Variants in CCDC107 observed in about 807,000 individuals in gnomAD.
CCDC107 encodes coiled-coil domain containing 107, also known as coiled-coil domain-containing protein 107.
Under a neutral mutation model 17.9 loss-of-function variants are expected in CCDC107, and 17 were observed. That is an observed-to-expected ratio of 0.95 (90% CI 0.65 to 1.42). The LOEUF (loss-of-function observed/expected upper bound fraction) is 1.42, where lower values mean the gene tolerates loss of function less well. Ranked by LOEUF, CCDC107 falls within the 40% of genes most tolerant of loss-of-function variation. The pLI, the probability that CCDC107 is intolerant of heterozygous loss-of-function variation, is 0.00. For missense variants in CCDC107, 388 were observed against 360.1 expected (o/e 1.08, Z -0.63); for synonymous variants, 170 against 157.2 (o/e 1.08, Z -0.61).
Position 35,658,742 on chromosome 9 carries a change from G to A in CCDC107, c.258+15G>A, listed in dbSNP as rs1823718452. The A allele has an allele frequency of 6.8e-7, 1 of 1,465,238 alleles. No individual in the cohort carries two copies. Among genetic ancestry groups the A allele is most frequent in the Non-Finnish European group, 9.1e-7 (1 of 1,104,502 alleles). The allele number at this position is 1,465,238 out of a possible 1,614,324, so 90.8% of individuals were successfully genotyped here. ...AGTGTTTGCAGGTACGGGGCGGCCG[G>A]GGGTAGGGGTGCCCCTGCAGGTGCG... On this transcript the variant is annotated intron_variant, in intron 2 of 4. Coordinates refer to ENST00000426546, the MANE Select transcript of CCDC107 (RefSeq NM_174923.3).
In CCDC107 at chr9:35,660,591, CCAGA is replaced by C. The variant is rs751677353; in HGVS notation, c.359_362del (p.Thr120SerfsTer4). On this transcript the variant is annotated frameshift_variant, in exon 4 of 5. Transcript: ENST00000426546. LOFTEE classifies it high-confidence loss of function. The stretch of plus-strand genomic sequence containing the variant: ...TGGCCCAGTTGACACAACAGCTGGC[CCAGA>C]CAGAGCAGCACCTGAACAACCTGAT... 7 of 1,614,116 alleles carry C rather than the reference CCAGA, an allele frequency of 4.3e-6. No homozygotes were observed. The highest frequency in any genetic ancestry group is 5.1e-6 in the Non-Finnish European group (6 of 1,180,010).
In CCDC107 at chr9:35,658,583, A is replaced by C. The variant is rs1167239229; in HGVS notation, c.114A>C (p.Ala38=). Residue 38 remains alanine (A), a synonymous_variant, in exon 2 of 5, where the codon GCA becomes GCC. Coordinates refer to ENST00000426546, the MANE Select transcript of CCDC107 (RefSeq NM_174923.3). ...TGTATCCTCCCTCCGCAGGGAACGC[A>C]GCCCACCCCGGCTCTGGAGCCACGG... is the stretch of plus-strand genomic sequence containing the variant. ...NPDLRAHPGN[A]AHPGSGATEP... The C allele has an allele frequency of 6.3e-7, 1 of 1,582,084 alleles. No homozygotes were observed. The highest frequency in any genetic ancestry group is 1.4e-5 in the African/African-American group (1 of 73,000).
Position 35,658,401 on chromosome 9 carries a change from T to C in CCDC107, c.22T>C (p.Leu8=). Residue 8 remains leucine, a synonymous_variant, in exon 1 of 5, where the codon TTG becomes CTG. Coordinates refer to ENST00000426546, the MANE Select transcript of CCDC107 (RefSeq NM_174923.3). ...GGCAATGGCGGGCGCAGTTTCGCTC[T>C]TGGGTGTGGTGGGGCTGCTGCTTGT... is the stretch of plus-strand genomic sequence containing the variant. MAGAVSL[L]GVVGLLLVSA... The C allele has an allele frequency of 4.2e-6, 6 of 1,426,516 alleles. No homozygotes were observed. The highest frequency in any genetic ancestry group is 1.5e-5 in the South Asian group (1 of 66,816). 88.4% of individuals were successfully genotyped at this position (1,426,516 alleles called of 1,614,324 possible).
At position 35,661,490 on chromosome 9, in the gene CCDC107, G is replaced by A. The variant is rs1263304665; in HGVS notation, c.*303G>A. ...AAATCCAGTGGAAAAATAAATGATA[G>A]AAACTATACACAACATAAAAATAGC... On this transcript the variant is annotated 3_prime_UTR_variant, in exon 5 of 5. Coordinates refer to ENST00000426546, the MANE Select transcript of CCDC107 (RefSeq NM_174923.3). 2.1e-6 allele frequency: 1 copy of A among 469,018 alleles called. No homozygotes were observed. The highest frequency in any genetic ancestry group is 3.3e-5 in the East Asian group (1 of 30,746). 29.1% of individuals were successfully genotyped at this position (469,018 alleles called of 1,614,324 possible).
At chr9:35,658,863 G>A (rs929341799) in intron 2 of CCDC107, 136 bp downstream of exon 2, 2 of 513,988 alleles carry the variant, frequency 3.9e-6, no homozygotes, top group African/African-American at 2.0e-5. Flanking sequence ...GTAAAATAAA[G>A]ACAGTAGTCC....
chr9:35,661,059 T>G lies in CCDC107; in HGVS notation c.724T>G (p.Ser242Ala). The change falls in exon 5 of 5, where the codon TCC (serine) becomes GCC (alanine). Residue 242 changes from serine (S) to alanine (A), a missense_variant. By Grantham distance (99) the Ser-to-Ala change is moderately conservative. Coordinates refer to ENST00000426546, the MANE Select transcript of CCDC107 (RefSeq NM_174923.3). Reference sequence around the variant, plus strand: ...CACAGAGACATGGAACCTAGCTACTTCCTGGGAGGTGGGGCGGGGACTACG... The same window carrying G: ...CACAGAGACATGGAACCTAGCTACTGCCTGGGAGGTGGGGCGGGGACTACG... ...WSTETWNLAT[S>A]WEVGRGLRRR... 6.2e-7 allele frequency: 1 copy of G among 1,614,158 alleles called. No homozygotes were observed.
rs750964618 is a variant in CCDC107, at chr9:35,660,896, C to CA, written c.564dup (p.Val189SerfsTer3). 6 of 1,614,028 alleles carry CA rather than the reference C, an allele frequency of 3.7e-6. No individual in the cohort carries two copies. The South Asian group carries it at 5.5e-5, about 15-fold the overall frequency. On this transcript the variant is annotated frameshift_variant, in exon 5 of 5. Transcript: ENST00000426546. LOFTEE classifies it low-confidence loss of function (END_TRUNC). ...GAGGCGAGTCTGCTGGAGGTGGAGA[C>CA]AAAGTCTCTGAAACTGGAACATTCC...
rs1399949238 is a variant in CCDC107, at chr9:35,658,307, C to A, written c.-73C>A. The A allele has an allele frequency of 4.8e-5, 59 of 1,238,974 alleles. No homozygotes were observed. The Middle Eastern group carries it at 1.5e-3, about 31-fold the overall frequency. 76.7% of individuals were successfully genotyped at this position (1,238,974 alleles called of 1,614,324 possible). A position where few individuals can be genotyped will look rare whatever the true frequency, so the allele number is the denominator to read the frequency against. ...CGGCCGGCCTGCTCGCGTGCGCGTG[C>A]GCGTTGGGGCGGCCGGCCAATGCCG... On this transcript the variant is annotated 5_prime_UTR_variant, in exon 1 of 5. Transcript: ENST00000426546.
In CCDC107 at chr9:35,660,926, C is replaced by T. The variant is rs371820543; in HGVS notation, c.591C>T (p.Ile197=). The T allele has an allele frequency of 6.2e-7, 1 of 1,614,198 alleles. No homozygotes were observed. The highest frequency in any genetic ancestry group is 1.1e-5 in the South Asian group (1 of 91,084). The part of the protein sequence containing the change: ...DKVSETGTFL[I]SPHTEASRPL... ...TCTCTGAAACTGGAACATTCCTGAT[C>T]TCTCCCCACACAGAGGCCAGCAGAC... Residue 197 remains isoleucine (I), a synonymous_variant, in exon 5 of 5, where the codon ATC becomes ATT. Coordinates refer to ENST00000426546, the MANE Select transcript of CCDC107 (RefSeq NM_174923.3).
chr9:35,659,625 AAC>A (rs1432917661), intron 2 of CCDC107: 6 of 152,240 alleles, frequency 3.9e-5, no homozygotes, highest in African/African-American at 1.4e-4. Flanking sequence ...TTCAGGAAAC[AAC>A]CAGAGAAAAC....
chr9:35,658,376 G>C lies in CCDC107; in HGVS notation c.-4G>C. The C allele has an allele frequency of 2.2e-6, 3 of 1,388,002 alleles. No homozygotes were observed. Among genetic ancestry groups the C allele is most frequent in the Non-Finnish European group, 2.8e-6 (3 of 1,068,266 alleles). The allele number at this position is 1,388,002 out of a possible 1,614,324, so 86.0% of individuals were successfully genotyped here. A position where few individuals can be genotyped will look rare whatever the true frequency, so the allele number is the denominator to read the frequency against. On this transcript the variant is annotated 5_prime_UTR_variant, in exon 1 of 5. Coordinates refer to ENST00000426546, the MANE Select transcript of CCDC107 (RefSeq NM_174923.3). The stretch of plus-strand genomic sequence containing the variant: ...CGCCCGATCCCTCCACCCGTGGGCC[G>C]GCAATGGCGGGCGCAGTTTCGCTCT...
At chr9:35,660,234 A>G in intron 2 of CCDC107, 167 bp from the exon 3 acceptor site, 1 of 605,254 alleles carries the variant, frequency 1.7e-6, no homozygotes, top group Non-Finnish European at 2.9e-6. Flanking sequence ...ACGTCGCTTC[A>G]TATGCTGGGT....
chr9:35,658,970 A>C (rs1823736413), intron 2 of CCDC107: 1 of 391,620 alleles, frequency 2.6e-6, no homozygotes, highest in South Asian at 7.2e-5. Context: ...TATCACATTT[A>C]GTTCTCCTAC....
intron 2 of CCDC107, 48 bp downstream of exon 2, chr9:35,658,775 C>A: frequency 1.6e-6 from 2 of 1,250,476 alleles, no homozygotes; most frequent in East Asian, 2.8e-5. Flanking sequence ...GCGGGACCGC[C>A]GGGCGTGGGG....
rs148911211 is a variant in CCDC107 at position 35,660,590 on chromosome 9, C to G, written c.353C>G (p.Ala118Gly). 144 of 1,614,048 alleles carry G rather than the reference C, an allele frequency of 8.9e-5. 1 individual carries two copies. The highest frequency in any genetic ancestry group is 1.2e-4 in the Non-Finnish European group (137 of 1,180,036). Residue 118 changes from alanine (A) to glycine (G), a missense_variant, in exon 4 of 5, where the codon GCC becomes GGC. Physicochemically the swap from Ala to Gly is moderately conservative, Grantham distance 60. Transcript: ENST00000426546. ...QQLAQLTQQL[A>G]QTEQHLNNLM... ...CTGGCCCAGTTGACACAACAGCTGGCCCAGACAGAGCAGCACCTGAACAAC... is the reference window on the plus strand; with the variant it reads ...CTGGCCCAGTTGACACAACAGCTGGGCCAGACAGAGCAGCACCTGAACAAC...
chr9:35,660,863 A>G lies in CCDC107; in HGVS notation c.528A>G (p.Glu176=). 6.2e-7 allele frequency: 1 copy of G among 1,614,174 alleles called. No individual in the cohort carries two copies. The highest frequency in any genetic ancestry group is 1.1e-5 in the South Asian group (1 of 91,092). Residue 176 remains glutamate (E), a synonymous_variant, in exon 5 of 5, where the codon GAA becomes GAG. Transcript: ENST00000426546. ...DKDMEASEPG[E]GSGGESAGGG... is the part of the protein sequence containing the mutation. ...ATATGGAGGCTTCAGAACCAGGTGA[A>G]GGCTCGGGAGGCGAGTCTGCTGGAG...
In CCDC107 at chr9:35,658,561, A is replaced by C. The variant is rs1823701277; in HGVS notation, c.107-15A>C. 1 of 1,571,560 alleles carries C rather than the reference A, an allele frequency of 6.4e-7. No homozygotes were observed. Among genetic ancestry groups the C allele is most frequent in the Non-Finnish European group, 8.6e-7 (1 of 1,166,910 alleles). ...GCCCCAGCTCGGCTGACTCGCCTGT[A>C]TCCTCCCTCCGCAGGGAACGCAGCC... On this transcript the variant is annotated splice_polypyrimidine_tract_variant and intron_variant, in intron 1 of 4. Coordinates refer to ENST00000426546, the MANE Select transcript of CCDC107 (RefSeq NM_174923.3).
At position 35,658,572 on chromosome 9, in the gene CCDC107, G is replaced by A; in HGVS notation, c.107-4G>A. ...GCTGACTCGCCTGTATCCTCCCTCC[G>A]CAGGGAACGCAGCCCACCCCGGCTC... On this transcript the variant is annotated splice_polypyrimidine_tract_variant and splice_region_variant and intron_variant, in intron 1 of 4. Coordinates refer to ENST00000426546, the MANE Select transcript of CCDC107 (RefSeq NM_174923.3). 6.3e-7 allele frequency: 1 copy of A among 1,578,232 alleles called. No homozygotes were observed. The highest frequency in any genetic ancestry group is 8.5e-7 in the Non-Finnish European group (1 of 1,170,338).
chr9:35,660,749 G>A lies in CCDC107; in HGVS notation c.414G>A (p.Val138=). 2 of 1,613,900 alleles carry A rather than the reference G, an allele frequency of 1.2e-6. No individual in the cohort carries two copies. The highest frequency in any genetic ancestry group is 1.7e-6 in the Non-Finnish European group (2 of 1,179,838). Reference sequence around the variant, plus strand: ...CACTGAGTGGACATTTCTTCAGTGTGACTACTCTGGCTGGAGCCCAGCAGG... The same window carrying A: ...CACTGAGTGGACATTTCTTCAGTGTAACTACTCTGGCTGGAGCCCAGCAGG... ...MAQLDPLFER[V]TTLAGAQQEL... The change falls in exon 5 of 5, where the codon GTG becomes GTA. Residue 138 remains valine, a synonymous_variant. Transcript: ENST00000426546.
Sources: gnomAD v4.1 joint callset for allele counts on GRCh38, gnomAD v4.1.1 for gene constraint, MANE v1.5 for transcripts, NCBI Gene and HGNC (gene_info 2026-07-23, HGNC 2026-07-21) for gene names.